The following CASP14 variants were observed in gnomAD, a reference collection of about 807,000 sequenced individuals.
The protein encoded by CASP14 is caspase 14, also known as caspase-14.
A neutral mutation model predicts 28.4 loss-of-function variants in CASP14; 27 were observed. The observed-to-expected ratio is 0.95, with a 90% CI of 0.70 to 1.31. The LOEUF (loss-of-function observed/expected upper bound fraction) is 1.31, where lower values mean the gene tolerates loss of function less well. CASP14 is among the 50% of genes most tolerant of loss of function. The pLI, the probability that CASP14 is intolerant of heterozygous loss-of-function variation, is 0.00. For missense variants in CASP14, 323 were observed against 312.8 expected (o/e 1.03, Z -0.25); for synonymous variants, 115 against 118.6 (o/e 0.97, Z 0.20).
At position 15,050,017 on chromosome 19, in the gene CASP14, A is replaced by G. The variant is rs568920688; in HGVS notation, c.-47+372A>G. Among the ~76,000 whole-genome samples the G allele has an allele frequency of 9.2e-5, 14 of 152,262 alleles. No homozygotes were observed. The East Asian group carries it at 2.7e-3, about 29-fold the overall frequency. ...AAAACACTGCTGTAATTCAAGTAGG[A>G]GCAAGCAGAGCTGTGAGAGTCCAGA... On this transcript the variant is annotated intron_variant, in intron 1 of 6. Coordinates refer to ENST00000427043, the MANE Select transcript of CASP14 (RefSeq NM_012114.3).
chr19:15,052,710 G>A (rs973314861), intron 2 of CASP14, among the ~76,000 whole-genome samples: 1 of 152,184 alleles, frequency 6.6e-6, no homozygotes, highest in African/African-American at 2.4e-5. Flanking sequence ...AAGTGAGGAG[G>A]TAATAGAGGA....
chr19:15,055,456 A>G lies in CASP14; in HGVS notation c.547A>G (p.Lys183Glu). 1 of 1,614,132 alleles carries G rather than the reference A, an allele frequency of 6.2e-7. No individual in the cohort carries two copies. Among genetic ancestry groups the G allele is most frequent in the Non-Finnish European group, 8.5e-7 (1 of 1,179,984 alleles). ...EGYIAYRHDQ[K>E]GSCFIQTLVD... is the part of the protein sequence containing the mutation. ...ATACATCGCCTACCGACATGATCAG[A>G]AAGGCTCATGCTTTATCCAGACCCT... The change falls in exon 6 of 7, where the codon AAA becomes GAA. Residue 183 changes from lysine to glutamate, a missense_variant. Lys to Glu is a moderately conservative substitution (Grantham distance 56, BLOSUM62 1). Transcript: ENST00000427043.
intron 6 of CASP14, 116 bp downstream of exon 6, chr19:15,055,649 A>G: frequency 1.4e-6 from 1 of 695,474 alleles, no homozygotes; most frequent in South Asian, 1.9e-5. Context: ...TCCAAGCCAG[A>G]TCTCAATACA....
At chr19:15,053,050 T>G (rs1000446748) in intron 2 of CASP14, among the ~76,000 whole-genome samples, 2 of 152,212 alleles carry the variant, frequency 1.3e-5, no homozygotes, top group African/African-American at 4.8e-5. Flanking sequence ...TATTTGAAAT[T>G]TAAGTGTACC....
chr19:15,053,422 G>T, intron 2 of CASP14, 60 bp from the exon 3 acceptor site: 2 of 1,605,976 alleles, frequency 1.2e-6, no homozygotes, highest in South Asian at 2.2e-5. Context: ...TGCCTCTTTT[G>T]ACTACATCTG....
chr19:15,051,812 C>T (rs1414064083), intron 1 of CASP14, among the ~76,000 whole-genome samples: 1 of 152,114 alleles, frequency 6.6e-6, no homozygotes, highest in Non-Finnish European at 1.5e-5. Flanking sequence ...TTCCCCAGCC[C>T]GTCATCTCCT....
Position 15,056,674 on chromosome 19 carries a change from T to C in CASP14, c.*585T>C, listed in dbSNP as rs1411988717. 1 of 152,792 alleles carries C rather than the reference T, an allele frequency of 6.5e-6. No individual in the cohort carries two copies. Among genetic ancestry groups the C allele is most frequent in the African/African-American group, 2.4e-5 (1 of 41,460 alleles). 9.5% of individuals were successfully genotyped at this position (152,792 alleles called of 1,614,324 possible). A position where few individuals can be genotyped will look rare whatever the true frequency, so the allele number is the denominator to read the frequency against. On this transcript the variant is annotated 3_prime_UTR_variant, in exon 7 of 7. Transcript: ENST00000427043. ...TTCTCTTCCTAGCTCATGGCCTCTC[T>C]AGATAATAAAGTTGTCTCCTCCTTT...
chr19:15,055,916 G>A (rs181347483), intron 6 of CASP14, 69 bp from the exon 7 acceptor site: 34 of 1,251,070 alleles, frequency 2.7e-5, no homozygotes, highest in East Asian at 1.5e-4. Flanking sequence ...CACCTGCCCC[G>A]TTCCCTAACC....
intron 1 of CASP14, 124 bp from the exon 2 acceptor site, chr19:15,052,082 A>G (rs1405197393): frequency 1.6e-6 from 1 of 632,946 alleles, no homozygotes; most frequent in Non-Finnish European, 2.7e-6. Flanking sequence ...ATCTGTCCAC[A>G]GACCAAATCC....
intron 4 of CASP14, among the ~76,000 whole-genome samples, chr19:15,054,199 C>A (rs922387345): frequency 6.6e-6 from 1 of 152,132 alleles, no homozygotes; most frequent in Non-Finnish European, 1.5e-5. Context: ...GTCTCAAACT[C>A]CTGAGCTCAA....
At chr19:15,050,358 T>G (rs1568314141) in intron 1 of CASP14, among the ~76,000 whole-genome samples, 1 of 151,736 alleles carries the variant, frequency 6.6e-6, no homozygotes, top group Non-Finnish European at 1.5e-5. Flanking sequence ...TAATATTCAT[T>G]TCTGTCACAG....
chr19:15,053,862 G>C lies in CASP14; in HGVS notation c.307G>C (p.Val103Leu), dbSNP rs752012385. Residue 103 changes from valine (V) to leucine (L), a missense_variant, in exon 4 of 7, where the codon GTC (valine) becomes CTC (leucine). Transcript: ENST00000427043. ...GFLKGEDGEM[V>L]KLENLFEALN... ...CCTCAAGGGAGAAGATGGGGAGATG[G>C]TCAAGCTGGAGAATCTCTTCGAGGC... 386 of 1,614,046 alleles carry C rather than the reference G, an allele frequency of 2.4e-4. No individual in the cohort carries two copies. Among genetic ancestry groups the C allele is most frequent in the Non-Finnish European group, 3.2e-4 (383 of 1,180,036 alleles).
chr19:15,054,938 G>T, intron 4 of CASP14: 1 of 518,030 alleles, frequency 1.9e-6, no homozygotes, highest in South Asian at 2.2e-5. Context: ...ACCGTGCCCA[G>T]CCCTTACCTT....
chr19:15,055,157 G>C lies in CASP14; in HGVS notation c.404-1G>C. 1 of 1,613,328 alleles carries C rather than the reference G, an allele frequency of 6.2e-7. No individual in the cohort carries two copies. Among genetic ancestry groups the C allele is most frequent in the Non-Finnish European group, 8.5e-7 (1 of 1,179,394 alleles). On this transcript the variant is annotated splice_acceptor_variant, in intron 4 of 6. Transcript: ENST00000427043. LOFTEE classifies it high-confidence loss of function. ...GCCTCCTCCTCTTCTTGTTGTTTCA[G>C]AACAAAGGGACCCCGGTGAAACAGT...
At chr19:15,049,862 A>G (rs867472119) in intron 1 of CASP14, among the ~76,000 whole-genome samples, 2 of 152,024 alleles carry the variant, frequency 1.3e-5, no homozygotes, top group South Asian at 2.1e-4. Flanking sequence ...TTGTTTACTC[A>G]GCAAATTCTC....
intron 1 of CASP14, among the ~76,000 whole-genome samples, chr19:15,051,069 T>C (rs1447699690): frequency 1.3e-5 from 2 of 151,560 alleles, no homozygotes; most frequent in East Asian, 1.9e-4. Flanking sequence ...AGATGGTAGA[T>C]GGATAGATGA....
At chr19:15,053,434 T>C in intron 2 of CASP14, 48 bp from the exon 3 acceptor site, 2 of 1,610,888 alleles carry the variant, frequency 1.2e-6, no homozygotes, top group Non-Finnish European at 8.5e-7. Context: ...CTACATCTGC[T>C]TCTCCTTGAA....
chr19:15,057,103 C>T lies in CASP14; in HGVS notation c.*1014C>T, dbSNP rs2046121152. ...TTTCAATAACCACCAGCCAAGGTTA[C>T]CTCCAGGTAACCTTGCAGCACCAGG... On this transcript the variant is annotated 3_prime_UTR_variant, in exon 7 of 7. Coordinates refer to ENST00000427043, the MANE Select transcript of CASP14 (RefSeq NM_012114.3). 6.6e-6 allele frequency: 1 copy of T among 152,118 alleles called. No individual in the cohort carries two copies. The highest frequency in any genetic ancestry group is 2.1e-4 in the South Asian group (1 of 4,814). 9.4% of individuals were successfully genotyped at this position (152,118 alleles called of 1,614,324 possible). A position where few individuals can be genotyped will look rare whatever the true frequency, so the allele number is the denominator to read the frequency against.
At chr19:15,055,765 C>T (rs1334763660) in intron 6 of CASP14, among the ~76,000 whole-genome samples, 3 of 152,178 alleles carry the variant, frequency 2.0e-5, no homozygotes, top group African/African-American at 7.2e-5. Flanking sequence ...TGGATATAAA[C>T]AATGTTTGGG....
Sources: gnomAD v4.1 joint callset for allele counts (sites outside exome capture counted in the v4.1 genomes callset) on GRCh38, gnomAD v4.1.1 for gene constraint, MANE v1.5 for transcripts, NCBI Gene and HGNC (gene_info 2026-07-23, HGNC 2026-07-21) for gene names.